KIF26B: variants seen among roughly 807,000 people sequenced by gnomAD.
The protein encoded by KIF26B is kinesin-like protein KIF26B.
In KIF26B, 63 loss-of-function variants were observed where a neutral mutation model predicts 151.2. The ratio of observed to expected loss-of-function variants is 0.42; its 90% CI spans 0.34 to 0.51. The LOEUF is 0.51. Among genes scored for constraint, KIF26B ranks in the 20% least tolerant of loss-of-function variants. KIF26B has a pLI of 0.07. For synonymous variants in KIF26B, 1,357 were observed against 1,262.1 expected (o/e 1.08, Z -1.59); for missense variants, 2,813 against 2,913.6 (o/e 0.97, Z 0.79).
Position 245,601,369 on chromosome 1 carries a change from C to T in KIF26B, c.1351-1208C>T, listed in dbSNP as rs767951650. Reference sequence around the variant, plus strand: ...GAGTCGAGATTGGCAGGAGGATCTCCGTCTTGAACAACATTATGATTCTCT... The same window carrying T: ...GAGTCGAGATTGGCAGGAGGATCTCTGTCTTGAACAACATTATGATTCTCT... On this transcript the variant is annotated intron_variant, in intron 5 of 14. Coordinates refer to ENST00000407071, the MANE Select transcript of KIF26B (RefSeq NM_018012.4). The surrounding 1 kb of genome is among the most constrained non-coding windows in gnomAD (Gnocchi z 4.4). Among the ~76,000 whole-genome samples the T allele has an allele frequency of 2.6e-5, 4 of 152,172 alleles. No homozygotes were observed. The highest frequency in any genetic ancestry group is 7.2e-5 in the African/African-American group (3 of 41,434).
At chr1:245,590,591 T>C (rs1397309301) in intron 5 of KIF26B, among the ~76,000 whole-genome samples, 1 of 151,914 alleles carries the variant, frequency 6.6e-6, no homozygotes, top group Non-Finnish European at 1.5e-5. Flanking sequence ...TGGAAGACCT[T>C]AGTGTAACCC....
chr1:245,654,844 C>T (rs536875091), intron 10 of KIF26B, among the ~76,000 whole-genome samples: 1 of 152,288 alleles, frequency 6.6e-6, no homozygotes, highest in Admixed American at 6.5e-5. Context: ...CAGGCTGTGC[C>T]TTGAAGCTTT....
intron 2 of KIF26B, among the ~76,000 whole-genome samples, chr1:245,364,612 G>C (rs1407939525): frequency 6.6e-6 from 1 of 151,828 alleles, no homozygotes; most frequent in Non-Finnish European, 1.5e-5. Flanking sequence ...AGTACAGATG[G>C]TGTTTCACCA....
chr1:245,281,318 C>T (rs1188953630), intron 2 of KIF26B, among the ~76,000 whole-genome samples: 1 of 66,030 alleles, frequency 1.5e-5, no homozygotes, highest in Non-Finnish European at 2.8e-5. Context: ...GAGATGGTAT[C>T]TCATTGTGGT....
At position 245,686,268 on chromosome 1, in the gene KIF26B, G is replaced by T. The variant is rs773444207; in HGVS notation, c.3285G>T (p.Lys1095Asn). Residue 1095 changes from lysine to asparagine, a missense_variant, in exon 12 of 15, where the codon AAG becomes AAT. Around this residue, in one of 3 missense-constraint regions of KIF26B, gnomAD observed 2,060 missense variants for 2,088.6 expected, o/e 0.99. Transcript: ENST00000407071. This position sits in a 1 kb window ranked among gnomAD's most constrained non-coding sequence, Gnocchi z 5.6. ...AGAGATGCAAAGTCTACACCCAGAA[G>T]GGGGTCCTGCCGTCTCCCGCCCCAC... ...PSQRCKVYTQKGVLPSPAPLP... is the reference protein window; with the variant it reads ...PSQRCKVYTQNGVLPSPAPLP... 3.7e-6 allele frequency: 6 copies of T among 1,612,920 alleles called. No homozygotes were observed. Among genetic ancestry groups the T allele is most frequent in the Non-Finnish European group, 4.2e-6 (5 of 1,179,884 alleles).
chr1:245,539,542 C>G (rs1178512785), intron 4 of KIF26B, among the ~76,000 whole-genome samples: 1 of 152,202 alleles, frequency 6.6e-6, no homozygotes, highest in Non-Finnish European at 1.5e-5. Context: ...AGTGTGTAAA[C>G]ATCAAGAATT....
chr1:245,699,526 T>G (rs868361415), intron 14 of KIF26B, among the ~76,000 whole-genome samples: 14 of 151,694 alleles, frequency 9.2e-5, no homozygotes, highest in Middle Eastern at 6.9e-3. Flanking sequence ...CACAGTGTTA[T>G]TTCCATTTAA....
chr1:245,680,712 A>G (rs1300989453), intron 10 of KIF26B, among the ~76,000 whole-genome samples: 1 of 152,194 alleles, frequency 6.6e-6, no homozygotes, highest in Non-Finnish European at 1.5e-5. Flanking sequence ...CTGTATTTGC[A>G]CATTCACCTA....
intron 2 of KIF26B, among the ~76,000 whole-genome samples, chr1:245,293,641 C>T (rs1671291401): frequency 6.7e-6 from 1 of 149,746 alleles, no homozygotes; most frequent in Non-Finnish European, 1.5e-5. Context: ...TGCAATGGCG[C>T]AATCTCCACT....
intron 4 of KIF26B, among the ~76,000 whole-genome samples, chr1:245,499,122 A>G (rs1422239516): frequency 1.3e-5 from 2 of 152,140 alleles, no homozygotes; most frequent in Admixed American, 6.5e-5. Flanking sequence ...AGTGATGTCA[A>G]GCAGCTCATG....
chr1:245,219,207 C>T (rs1669712260), intron 2 of KIF26B, among the ~76,000 whole-genome samples: 1 of 130,140 alleles, frequency 7.7e-6, no homozygotes, highest in African/African-American at 2.9e-5. Context: ...GATGCGATCT[C>T]AGCTCACTGC....
intron 2 of KIF26B, among the ~76,000 whole-genome samples, chr1:245,308,856 G>A (rs562590317): frequency 5.9e-4 from 90 of 152,332 alleles, no homozygotes; most frequent in African/African-American, 2.0e-3. Flanking sequence ...GATGAGGTCC[G>A]CATGTGGAAT....
intron 2 of KIF26B, among the ~76,000 whole-genome samples, chr1:245,257,627 G>A (rs1325071089): frequency 6.6e-6 from 1 of 152,162 alleles, no homozygotes; most frequent in South Asian, 2.1e-4. Flanking sequence ...AGGAAGGCTG[G>A]ACAGGAGAAA....
At chr1:245,537,640 C>G (rs922734141) in intron 4 of KIF26B, among the ~76,000 whole-genome samples, 1 of 152,060 alleles carries the variant, frequency 6.6e-6, no homozygotes, top group Non-Finnish European at 1.5e-5. Context: ...AACAAAACTT[C>G]CTGATGGATT....
At chr1:245,247,606 C>T (rs901506851) in intron 2 of KIF26B, among the ~76,000 whole-genome samples, 18 of 152,154 alleles carry the variant, frequency 1.2e-4, no homozygotes, top group African/African-American at 4.3e-4. Flanking sequence ...GTCGCTGGAG[C>T]GAGCTTGTTT....
intron 5 of KIF26B, among the ~76,000 whole-genome samples, chr1:245,547,372 G>A (rs1558209184): frequency 6.6e-6 from 1 of 151,866 alleles, no homozygotes; most frequent in Non-Finnish European, 1.5e-5. Context: ...ATCACTTGAG[G>A]TCAGAAGTTC....
At chr1:245,395,257 C>T (rs997736213) in intron 3 of KIF26B, among the ~76,000 whole-genome samples, 2 of 152,116 alleles carry the variant, frequency 1.3e-5, no homozygotes, top group Non-Finnish European at 2.9e-5. Flanking sequence ...TCTGGCTTTC[C>T]AGGATGGATA....
intron 3 of KIF26B, among the ~76,000 whole-genome samples, chr1:245,376,747 G>T (rs1356431777): frequency 6.6e-6 from 1 of 152,104 alleles, no homozygotes; most frequent in Non-Finnish European, 1.5e-5. Flanking sequence ...GAGTGCAGCG[G>T]CACAATCTTG....
At chr1:245,334,271 C>T (rs1272829139) in intron 2 of KIF26B, among the ~76,000 whole-genome samples, 1 of 152,206 alleles carries the variant, frequency 6.6e-6, no homozygotes, top group Non-Finnish European at 1.5e-5. Flanking sequence ...TAGGTGGCTA[C>T]TAACTTAATT....
Sources: allele counts gnomAD v4.1 joint callset (sites outside exome capture counted in the v4.1 genomes callset), GRCh38; gene constraint gnomAD v4.1.1; regional missense constraint gnomAD v4.1.1; non-coding constraint Gnocchi (gnomAD v3.1); transcripts MANE v1.5; gene names NCBI Gene and HGNC (gene_info 2026-07-23, HGNC 2026-07-21).